CES5A: variants seen among roughly 807,000 people sequenced by gnomAD.
CES5A encodes carboxylesterase 5.
Under a neutral mutation model 62.9 loss-of-function variants are expected in CES5A, and 67 were observed. That is an observed-to-expected ratio of 1.07 (90% CI 0.88 to 1.31). CES5A has a LOEUF of 1.31. Ranked by LOEUF, CES5A falls within the 50% of genes most tolerant of loss-of-function variation. The pLI is 0.00. For synonymous variants in CES5A, 296 were observed against 280.8 expected (o/e 1.05, Z -0.54); for missense variants, 748 against 708.5 (o/e 1.06, Z -0.63).
intron 1 of CES5A, among the ~76,000 whole-genome samples, chr16:55,915,552 G>A (rs1314681922): frequency 6.6e-6 from 1 of 152,130 alleles, no homozygotes; most frequent in East Asian, 1.9e-4. Context: ...TAGCAGGTGG[G>A]GTTGGAGGGG....
At chr16:55,894,297 A>T (rs553377352) in intron 1 of CES5A, among the ~76,000 whole-genome samples, 5 of 152,010 alleles carry the variant, frequency 3.3e-5, no homozygotes, top group Admixed American at 6.6e-5. Flanking sequence ...TCATGAGGTC[A>T]GGAGTTCAAG....
upstream of CES5A, among the ~76,000 whole-genome samples, chr16:55,927,447 G>A (rs1597153308): frequency 6.6e-6 from 1 of 152,112 alleles, no homozygotes; most frequent in Non-Finnish European, 1.5e-5. Flanking sequence ...ATTAAAAAGT[G>A]GGCAAACTAC....
chr16:55,926,777 C>T (rs1234375443), upstream of CES5A, among the ~76,000 whole-genome samples: 1 of 152,178 alleles, frequency 6.6e-6, no homozygotes, highest in African/African-American at 2.4e-5. Context: ...TATTCTTTGG[C>T]TTTCAAGAAC....
chr16:55,854,962 C>A (rs1443974754), intron 9 of CES5A, among the ~76,000 whole-genome samples: 1 of 152,236 alleles, frequency 6.6e-6, no homozygotes, highest in African/African-American at 2.4e-5. Flanking sequence ...AGCCAACCCT[C>A]AGCTGATCTC....
upstream of CES5A, among the ~76,000 whole-genome samples, chr16:55,878,236 A>C (rs935026137): frequency 1.3e-5 from 2 of 152,126 alleles, no homozygotes; most frequent in Admixed American, 1.3e-4. Context: ...GTAAAAATCA[A>C]AGCCCACTTT....
chr16:55,918,543 T>C (rs1282775889), intron 1 of CES5A, among the ~76,000 whole-genome samples: 3 of 152,346 alleles, frequency 2.0e-5, no homozygotes, highest in Non-Finnish European at 2.9e-5. Context: ...TTCCCACATA[T>C]GGCACTATAT....
upstream of CES5A, among the ~76,000 whole-genome samples, chr16:55,928,615 C>T (rs186037207): frequency 1.3e-3 from 198 of 152,274 alleles, 1 homozygote; most frequent in South Asian, 6.2e-4. Flanking sequence ...AAGAAGTAAA[C>T]GTCATTTTTA....
chr16:55,932,731 G>A (rs2142470588), intron 2 of CES5A, among the ~76,000 whole-genome samples: 1 of 152,292 alleles, frequency 6.6e-6, no homozygotes, highest in South Asian at 2.1e-4. Flanking sequence ...TTGAGTCTGA[G>A]GCAGAGTAAG....
chr16:55,933,402 T>C (rs2034334490), intron 2 of CES5A, among the ~76,000 whole-genome samples: 2 of 152,156 alleles, frequency 1.3e-5, no homozygotes, highest in African/African-American at 2.4e-5. Flanking sequence ...GGGATAGTAG[T>C]GATAAAGAAA....
intron 1 of CES5A, among the ~76,000 whole-genome samples, chr16:55,881,139 A>G (rs1398717044): frequency 6.6e-6 from 1 of 152,124 alleles, no homozygotes; most frequent in Non-Finnish European, 1.5e-5. Context: ...TTACTAGGAG[A>G]CACAAGACAC....
At chr16:55,893,359 C>A (rs567660353) in intron 1 of CES5A, among the ~76,000 whole-genome samples, 2 of 151,984 alleles carry the variant, frequency 1.3e-5, no homozygotes, top group South Asian at 4.2e-4. Context: ...AAATGTGACC[C>A]ATAATCAAAA....
At chr16:55,940,243 G>A (rs1343679068) in intron 2 of CES5A, among the ~76,000 whole-genome samples, 8 of 151,938 alleles carry the variant, frequency 5.3e-5, no homozygotes, top group African/African-American at 1.9e-4. Context: ...AGTTAATCAA[G>A]TCAAAGGTGT....
chr16:55,935,401 G>A (rs2034363068), intron 2 of CES5A, among the ~76,000 whole-genome samples: 1 of 152,216 alleles, frequency 6.6e-6, no homozygotes, highest in South Asian at 2.1e-4. Context: ...ATTAGGAAGG[G>A]CAATCTGCTT....
intron 1 of CES5A, among the ~76,000 whole-genome samples, chr16:55,881,514 C>T (rs1471299587): frequency 1.3e-5 from 2 of 152,258 alleles, no homozygotes; most frequent in South Asian, 4.2e-4. Context: ...ATGCCTCGGG[C>T]AGATGCTAAT....
chr16:55,871,996 G>A (rs141931680), intron 2 of CES5A, among the ~76,000 whole-genome samples: 2 of 152,232 alleles, frequency 1.3e-5, no homozygotes, highest in East Asian at 3.9e-4. Flanking sequence ...ACATGGTGTA[G>A]AATAATTGCA....
intron 1 of CES5A, among the ~76,000 whole-genome samples, chr16:55,916,311 A>T (rs2034148614): frequency 6.6e-6 from 1 of 152,206 alleles, no homozygotes; most frequent in Non-Finnish European, 1.5e-5. Flanking sequence ...TCTACACCCT[A>T]GCAGAATTCA....
chr16:55,874,186 G>A, intron 1 of CES5A, 149 bp from the exon 2 acceptor site: 1 of 692,526 alleles, frequency 1.4e-6, no homozygotes, highest in Non-Finnish European at 2.4e-6. Flanking sequence ...CATGAATCCA[G>A]TTCCATGGCT....
chr16:55,895,753 G>A (rs2033925870), intron 1 of CES5A, among the ~76,000 whole-genome samples: 1 of 152,180 alleles, frequency 6.6e-6, no homozygotes, highest in African/African-American at 2.4e-5. Context: ...ACATGAGTTT[G>A]GGGGATCCAG....
chr16:55,909,112 T>A (rs557474529), intron 1 of CES5A, among the ~76,000 whole-genome samples: 1 of 152,208 alleles, frequency 6.6e-6, no homozygotes, highest in Non-Finnish European at 1.5e-5. Flanking sequence ...GCAATTTTCA[T>A]TTGCCTTCGT....
Sources: gnomAD v4.1 joint callset for allele counts (sites outside exome capture counted in the v4.1 genomes callset) on GRCh38, gnomAD v4.1.1 for gene constraint, MANE v1.5 for transcripts, NCBI Gene and HGNC (gene_info 2026-07-23, HGNC 2026-07-21) for gene names.